IGSF11: variants seen among roughly 807,000 people sequenced by gnomAD.
IGSF11 encodes CXADR like 1.
Under a neutral mutation model 41.0 loss-of-function variants are expected in IGSF11, and 22 were observed. The ratio of observed to expected loss-of-function variants is 0.54; its 90% CI spans 0.38 to 0.77. The LOEUF (loss-of-function observed/expected upper bound fraction) is 0.77. IGSF11 is among the 30% of genes least tolerant of loss of function. IGSF11 has a pLI of 0.00. For missense variants in IGSF11, 444 were observed against 530.8 expected, an observed-to-expected ratio of 0.84 and a Z score of 1.61; for synonymous variants, 219 against 201.3, an observed-to-expected ratio of 1.09 and a Z score of -0.74.
At chr3:119,051,230 A>C in intron 1 of IGSF11, among the ~76,000 whole-genome samples, 1 of 151,984 alleles carries the variant, frequency 6.6e-6, no homozygotes, top group South Asian at 2.1e-4. Flanking sequence ...CAAGAGATTC[A>C]GCTCACACAT....
chr3:118,933,244 T>C (rs966178911), intron 1 of IGSF11, among the ~76,000 whole-genome samples: 1 of 152,184 alleles, frequency 6.6e-6, no homozygotes, highest in Non-Finnish European at 1.5e-5. Context: ...GGTACTTTCA[T>C]CTATTTAGCT....
At chr3:118,904,604 A>T in intron 6 of IGSF11, 44 bp downstream of exon 6, 1 of 1,408,812 alleles carries the variant, frequency 7.1e-7, no homozygotes, top group East Asian at 2.3e-5. Flanking sequence ...ATAGAAGTAC[A>T]CAATGGCTAT....
chr3:119,105,052 G>A (rs2076999214), intron 1 of IGSF11: 1 of 753,320 alleles, frequency 1.3e-6, no homozygotes, highest in Non-Finnish European at 2.3e-6. Flanking sequence ...ATACATAGAA[G>A]TTAGTATCAC....
chr3:118,904,262 G>A (rs1351557833), intron 6 of IGSF11, among the ~76,000 whole-genome samples: 1 of 152,166 alleles, frequency 6.6e-6, no homozygotes, highest in Admixed American at 6.5e-5. Flanking sequence ...ACTGTGTACA[G>A]GCACTGGTAT....
At chr3:119,115,489 C>A (rs2077243133) in intron 1 of IGSF11, among the ~76,000 whole-genome samples, 1 of 152,200 alleles carries the variant, frequency 6.6e-6, no homozygotes, top group Admixed American at 6.5e-5. Context: ...ATTTGCATTT[C>A]TCTGATGATC....
intron 1 of IGSF11, among the ~76,000 whole-genome samples, chr3:118,977,081 T>C (rs1934197824): frequency 6.6e-6 from 1 of 152,212 alleles, no homozygotes; most frequent in African/African-American, 2.4e-5. Flanking sequence ...ATTTATCCCA[T>C]ATTTCACTTT....
At chr3:119,071,549 T>C (rs1194771129) in intron 1 of IGSF11, among the ~76,000 whole-genome samples, 3 of 152,234 alleles carry the variant, frequency 2.0e-5, no homozygotes, top group African/African-American at 4.8e-5. Flanking sequence ...TTTGGATATA[T>C]AGTTGTCCAA....
intron 1 of IGSF11, among the ~76,000 whole-genome samples, chr3:119,024,788 AC>A (rs552938553): frequency 3.9e-5 from 6 of 152,202 alleles, no homozygotes; most frequent in Non-Finnish European, 7.4e-5. Context: ...CTTGGCTTAG[AC>A]AAAGAAAGCT....
chr3:118,909,645 C>A (rs1369143539), intron 4 of IGSF11, among the ~76,000 whole-genome samples: 1 of 152,192 alleles, frequency 6.6e-6, no homozygotes, highest in Non-Finnish European at 1.5e-5. Flanking sequence ...TTTCCAAGGG[C>A]ACCGTCCAGA....
At chr3:119,045,833 A>G (rs1941323692) in intron 1 of IGSF11, among the ~76,000 whole-genome samples, 1 of 151,492 alleles carries the variant, frequency 6.6e-6, no homozygotes. Context: ...TGGGTCCCTG[A>G]CCCCTGACCC....
intron 1 of IGSF11, among the ~76,000 whole-genome samples, chr3:119,093,241 G>C (rs1012145147): frequency 3.3e-5 from 5 of 152,154 alleles, no homozygotes; most frequent in Non-Finnish European, 5.9e-5. Flanking sequence ...CAACACTTCT[G>C]TATTTTACCT....
chr3:118,946,610 A>G (rs1480341357), intron 1 of IGSF11, among the ~76,000 whole-genome samples: 1 of 152,202 alleles, frequency 6.6e-6, no homozygotes, highest in Non-Finnish European at 1.5e-5. Context: ...CTTTGTGTCC[A>G]ATGTATGTCA....
At chr3:118,937,119 A>C (rs1338805481) in intron 1 of IGSF11, among the ~76,000 whole-genome samples, 1 of 152,194 alleles carries the variant, frequency 6.6e-6, no homozygotes, top group Non-Finnish European at 1.5e-5. Flanking sequence ...TAATCAGCAA[A>C]GCATCAAAAA....
chr3:119,025,897 A>G (rs1366956042), intron 1 of IGSF11, among the ~76,000 whole-genome samples: 12 of 152,210 alleles, frequency 7.9e-5, no homozygotes, highest in Admixed American at 7.9e-4. Context: ...GAAACAGCTA[A>G]AAATTATGGC....
chr3:119,133,198 G>GC (rs758810529), intron 1 of IGSF11, among the ~76,000 whole-genome samples: 3 of 151,912 alleles, frequency 2.0e-5, no homozygotes, highest in Non-Finnish European at 2.9e-5. Context: ...CTAGCAAAAG[G>GC]TAAAAAATTA....
chr3:118,924,829 C>A (rs906858656), intron 4 of IGSF11, among the ~76,000 whole-genome samples: 1 of 151,608 alleles, frequency 6.6e-6, no homozygotes, highest in Non-Finnish European at 1.5e-5. Context: ...AGGATGATAC[C>A]CCTTTATTTT....
At chr3:119,068,703 C>G (rs1942304599) in intron 1 of IGSF11, among the ~76,000 whole-genome samples, 2 of 152,048 alleles carry the variant, frequency 1.3e-5, no homozygotes, top group Non-Finnish European at 2.9e-5. Context: ...TGATCTCTGC[C>G]AAACTGCTTT....
intron 1 of IGSF11, among the ~76,000 whole-genome samples, chr3:119,095,530 A>G (rs1002901639): frequency 6.6e-6 from 1 of 152,232 alleles, no homozygotes; most frequent in African/African-American, 2.4e-5. Context: ...TCTACTTACA[A>G]GCTAACAAAT....
At chr3:119,095,174 A>G (rs759501693) in intron 1 of IGSF11, among the ~76,000 whole-genome samples, 1 of 152,140 alleles carries the variant, frequency 6.6e-6, no homozygotes, top group Non-Finnish European at 1.5e-5. Context: ...ATACATACAC[A>G]CTTGGGATGG....
Sources: gnomAD v4.1 joint callset for allele counts (sites outside exome capture counted in the v4.1 genomes callset) on GRCh38, gnomAD v4.1.1 for gene constraint, MANE v1.5 for transcripts, NCBI Gene and HGNC (gene_info 2026-07-23, HGNC 2026-07-21) for gene names.